Variants in ABCA13 observed in about 807,000 individuals in gnomAD.
ABCA13 encodes the protein ATP binding cassette subfamily A member 13.
A neutral mutation model predicts 478.7 loss-of-function variants in ABCA13; 476 were observed. The ratio of observed to expected loss-of-function variants is 0.99; its 90% CI spans 0.92 to 1.07. The LOEUF (loss-of-function observed/expected upper bound fraction) is 1.07. ABCA13 is among the 50% of genes least tolerant of loss of function. ABCA13 has a pLI of 0.00. For synonymous variants in ABCA13, 2,252 were observed against 2,158.9 expected (o/e 1.04, Z -1.20); for missense variants, 6,060 against 5,910.6 (o/e 1.03, Z -0.83).
At chr7:48,509,652 T>G (rs1831507740) in intron 50 of ABCA13, among the ~76,000 whole-genome samples, 1 of 152,192 alleles carries the variant, frequency 6.6e-6, no homozygotes, top group African/African-American at 2.4e-5. Flanking sequence ...ATCCAATCAT[T>G]CTCTGCTTAT....
chr7:48,593,281 T>G (rs1255637594), intron 57 of ABCA13, among the ~76,000 whole-genome samples: 1 of 151,216 alleles, frequency 6.6e-6, no homozygotes, highest in East Asian at 1.9e-4. Context: ...TGTGTGCATC[T>G]TCTATAGGTT....
intron 20 of ABCA13, among the ~76,000 whole-genome samples, chr7:48,290,212 G>A (rs974078002): frequency 6.6e-6 from 1 of 152,182 alleles, no homozygotes; most frequent in Non-Finnish European, 1.5e-5. Flanking sequence ...CTTCAAAAAT[G>A]ACAGCAAGTG....
chr7:48,643,493 C>A (rs1795250033), intron 60 of ABCA13, 100 bp downstream of exon 60: 1 of 1,035,240 alleles, frequency 9.7e-7, no homozygotes, highest in Admixed American at 2.0e-5. Context: ...TTATAAGATA[C>A]TACTTGTTAC....
intron 43 of ABCA13, among the ~76,000 whole-genome samples, chr7:48,460,698 A>G (rs1316253961): frequency 2.0e-5 from 3 of 152,210 alleles, no homozygotes; most frequent in African/African-American, 7.2e-5. Flanking sequence ...ATACCACTAA[A>G]TTTGACCAAT....
chr7:48,261,141 G>C (rs991846668), intron 15 of ABCA13, among the ~76,000 whole-genome samples: 1 of 151,826 alleles, frequency 6.6e-6, no homozygotes, highest in East Asian at 1.9e-4. Flanking sequence ...TTTAGGCTGA[G>C]CTGATAGCTT....
chr7:48,429,875 A>C (rs1042051588), intron 42 of ABCA13, among the ~76,000 whole-genome samples: 3 of 152,224 alleles, frequency 2.0e-5, no homozygotes, highest in African/African-American at 7.2e-5. Context: ...TTTGGTAGTT[A>C]AAACAACATT....
chr7:48,254,152 G>T lies in ABCA13; in HGVS notation c.2005+4801G>T, dbSNP rs144020312. 4.1e-3 allele frequency among the ~76,000 whole-genome samples: 624 copies of T among 151,306 alleles called. 1 individual carries two copies. The highest frequency in any genetic ancestry group is 6.8e-3 in the Middle Eastern group (2 of 294). ...TCTAGAATTTTCATTTTATTTTATA[G>T]GTTTTACTAAATATTTTCTGCCTGA... On this transcript the variant is annotated intron_variant, in intron 15 of 61. Transcript: ENST00000435803.
intron 59 of ABCA13, among the ~76,000 whole-genome samples, chr7:48,640,934 C>T: frequency 6.6e-6 from 1 of 152,116 alleles, no homozygotes; most frequent in East Asian, 1.9e-4. Flanking sequence ...CATATTTTCT[C>T]TAGAGTGTTT....
intron 8 of ABCA13, among the ~76,000 whole-genome samples, chr7:48,237,012 G>GT (rs35078208): frequency 0.044 from 5,700 of 130,390 alleles, 166 homozygotes; most frequent in East Asian, 0.15. Context: ...AGAGGGTAGG[G>GT]TTTTTTTTTT....
chr7:48,519,040 C>G (rs925947167), intron 52 of ABCA13, among the ~76,000 whole-genome samples: 1 of 152,036 alleles, frequency 6.6e-6, no homozygotes, highest in Non-Finnish European at 1.5e-5. Flanking sequence ...GCTCAGCTCC[C>G]ACTTATAAGT....
Position 48,521,816 on chromosome 7 carries a change from C to A in ABCA13, c.14051+1522C>A, listed in dbSNP as rs79892195. On this transcript the variant is annotated intron_variant, in intron 53 of 61. Transcript: ENST00000435803. ...AATTTTTTTCTCTACATGAAGGTTA[C>A]AGAGCATAGAAATTTAAGTGAATTT... 6.5e-3 allele frequency among the ~76,000 whole-genome samples: 990 copies of A among 152,224 alleles called. 8 individuals carry two copies. Among genetic ancestry groups the A allele is most frequent in the African/African-American group, 0.022 (929 of 41,530 alleles).
chr7:48,615,459 GA>G, intron 59 of ABCA13, 82 bp downstream of exon 59: 1 of 1,268,964 alleles, frequency 7.9e-7, no homozygotes, highest in Non-Finnish European at 1.1e-6. Flanking sequence ...AGATGCTTTA[GA>G]GGCAAGTATG....
intron 54 of ABCA13, among the ~76,000 whole-genome samples, chr7:48,525,257 T>G (rs1008585426): frequency 6.6e-6 from 1 of 152,144 alleles, no homozygotes; most frequent in Non-Finnish European, 1.5e-5. Context: ...GGATTTTTTT[T>G]TTTAGTAGTT....
At chr7:48,178,181 C>T (rs1467870098) in intron 1 of ABCA13, among the ~76,000 whole-genome samples, 1 of 152,070 alleles carries the variant, frequency 6.6e-6, no homozygotes, top group African/African-American at 2.4e-5. Flanking sequence ...TTATTTTCCT[C>T]CTACACCCTC....
chr7:48,277,246 C>T (rs752774287), intron 17 of ABCA13, among the ~76,000 whole-genome samples: 4 of 152,076 alleles, frequency 2.6e-5, no homozygotes, highest in African/African-American at 4.8e-5. Flanking sequence ...TAGGCAGGGG[C>T]GCCCACAGCA....
At chr7:48,430,030 T>C (rs1362276448) in intron 42 of ABCA13, among the ~76,000 whole-genome samples, 3 of 152,178 alleles carry the variant, frequency 2.0e-5, no homozygotes, top group Non-Finnish European at 4.4e-5. Flanking sequence ...GCTGTTATCA[T>C]GGTTATCTTC....
rs1441540461 is a variant in ABCA13, at chr7:48,335,467, G to C, written c.10045G>C (p.Glu3349Gln). The part of the protein sequence containing the change: ...YIVDKLKTLS[E>Q]TLLEMSSLFQ... ...TGTGGACAAACTAAAAACTTTATCA[G>C]AAACACTGCTGGAAATGTCCAGCCT... The change falls in exon 28 of 62, where the codon GAA becomes CAA. Residue 3349 changes from glutamate (E) to glutamine (Q), a missense_variant. Coordinates refer to ENST00000435803, the MANE Select transcript of ABCA13 (RefSeq NM_152701.5). The C allele has an allele frequency of 1.9e-6, 3 of 1,613,306 alleles. No homozygotes were observed. In the African/African-American group the frequency reaches 4.0e-5, roughly 22 times the overall value.
At chr7:48,599,573 T>A (rs990736898) in intron 58 of ABCA13, among the ~76,000 whole-genome samples, 60 of 152,306 alleles carry the variant, frequency 3.9e-4, no homozygotes, top group African/African-American at 1.3e-3. Context: ...ATATTTTAAA[T>A]TTTGATTACA....
At chr7:48,560,928 T>G (rs1268955636) in intron 55 of ABCA13, among the ~76,000 whole-genome samples, 1 of 152,164 alleles carries the variant, frequency 6.6e-6, no homozygotes, top group Non-Finnish European at 1.5e-5. Context: ...TGTTTTAGAT[T>G]CCACATGTTA....
Sources: gnomAD v4.1 joint callset for allele counts (sites outside exome capture counted in the v4.1 genomes callset) on GRCh38, gnomAD v4.1.1 for gene constraint, MANE v1.5 for transcripts, NCBI Gene and HGNC (gene_info 2026-07-23, HGNC 2026-07-21) for gene names.